PGLYRP2: variants seen among roughly 807,000 people sequenced by gnomAD.
PGLYRP2 encodes peptidoglycan recognition protein 2.
A neutral mutation model predicts 46.2 loss-of-function variants in PGLYRP2; 38 were observed. The ratio of observed to expected loss-of-function variants is 0.82; its 90% CI spans 0.64 to 1.08. The LOEUF (loss-of-function observed/expected upper bound fraction) is 1.08. PGLYRP2 is among the 50% of genes least tolerant of loss of function. PGLYRP2 has a pLI of 0.00. For missense variants in PGLYRP2, 713 were observed against 755.9 expected (o/e 0.94, Z 0.67); for synonymous variants, 289 against 329.4 (o/e 0.88, Z 1.33).
chr19:15,469,358 G>A lies in PGLYRP2; in HGVS notation c.1641+274C>T, dbSNP rs1484213633. 5.9e-6 allele frequency: 4 copies of A among 680,262 alleles called. No individual in the cohort carries two copies. The highest frequency in any genetic ancestry group is 3.1e-5 in the South Asian group (2 of 63,688). The allele number at this position is 680,262 out of a possible 1,614,324, so 42.1% of individuals were successfully genotyped here. On this transcript the variant is annotated intron_variant, in intron 4 of 4. Coordinates refer to ENST00000340880, the MANE Select transcript of PGLYRP2 (RefSeq NM_052890.4). This position sits in a 1 kb window ranked among gnomAD's most constrained non-coding sequence, Gnocchi z 4.9. ...TCAGGGTCCATGCCTTGGCTGGAAAGGTAGAGGTATTAGGAGCTGGGGAAA... is the reference window on the plus strand; with the variant it reads ...TCAGGGTCCATGCCTTGGCTGGAAAAGTAGAGGTATTAGGAGCTGGGGAAA...
chr19:15,472,252 C>A lies in PGLYRP2; in HGVS notation c.1133-152G>T. On this transcript the variant is annotated intron_variant, in intron 2 of 4. Transcript: ENST00000340880. ...CCCCACATTGGTCCTCCCTGGGGAC[C>A]AACTAACTATACTCAACTAAATCTA... 4.7e-6 allele frequency: 3 copies of A among 639,224 alleles called. No homozygotes were observed. In the South Asian group the frequency reaches 5.8e-5, roughly 12 times the overall value. The allele number at this position is 639,224 out of a possible 1,614,324, so 39.6% of individuals were successfully genotyped here. A position where few individuals can be genotyped will look rare whatever the true frequency, so the allele number is the denominator to read the frequency against.
At position 15,476,446 on chromosome 19, in the gene PGLYRP2, C is replaced by T; in HGVS notation, c.224G>A (p.Ser75Asn). 2 of 1,614,120 alleles carry T rather than the reference C, an allele frequency of 1.2e-6. No homozygotes were observed. The highest frequency in any genetic ancestry group is 1.7e-6 in the Non-Finnish European group (2 of 1,180,010). The stretch of plus-strand genomic sequence containing the variant: ...GGGATCCAACTCTGTAGCATTGAGG[C>T]TCCATGCCCCCAGCAGGAAGTGGTA... ...RLYHFLLGAW[S>N]LNATELDPCP... is the part of the protein sequence containing the mutation. Residue 75 changes from serine to asparagine, a missense_variant, in exon 2 of 5, where the codon AGC becomes AAC. Coordinates refer to ENST00000340880, the MANE Select transcript of PGLYRP2 (RefSeq NM_052890.4).
intron 3 of PGLYRP2, among the ~76,000 whole-genome samples, chr19:15,470,353 A>G (rs1970736791): frequency 6.9e-6 from 1 of 145,948 alleles, no homozygotes; most frequent in South Asian, 2.1e-4. Context: ...CTGAAGTGCA[A>G]GGGCGCGATC....
At chr19:15,474,980 CA>C (rs34586297) in intron 2 of PGLYRP2, among the ~76,000 whole-genome samples, 52,927 of 124,794 alleles carry the variant, frequency 0.42, 9,309 homozygotes, top group Admixed American at 0.44. Flanking sequence ...GAGAGAGACT[CA>C]AAAAAAAAAA....
At chr19:15,468,917 T>G in intron 4 of PGLYRP2, 165 bp from the exon 5 acceptor site, 2 of 564,020 alleles carry the variant, frequency 3.5e-6, no homozygotes, top group Non-Finnish European at 6.4e-6. Context: ...AGTCAATAGC[T>G]TAATGAAATG....
intron 1 of PGLYRP2, 86 bp downstream of exon 1, chr19:15,479,225 C>T: frequency 7.1e-7 from 1 of 1,408,066 alleles, no homozygotes; most frequent in Non-Finnish European, 1.0e-6. Context: ...AGCCTCACTC[C>T]ATGCAGGGCA....
In PGLYRP2 at chr19:15,475,927, C is replaced by T; in HGVS notation, c.743G>A (p.Cys248Tyr). Residue 248 changes from cysteine (C) to tyrosine (Y), a missense_variant, in exon 2 of 5, where the codon TGC (cysteine) becomes TAC (tyrosine). Cys to Tyr is a radical substitution (Grantham distance 194, BLOSUM62 -2). Coordinates refer to ENST00000340880, the MANE Select transcript of PGLYRP2 (RefSeq NM_052890.4). ...QSHPDLGTEG[C>Y]WDQLSAPRTF... ...CCGAGGGGCAGAGAGCTGGTCCCAG[C>T]AGCCCTCAGTTCCCAGGTCTGGATG... 1 of 1,614,168 alleles carries T rather than the reference C, an allele frequency of 6.2e-7. No homozygotes were observed. The highest frequency in any genetic ancestry group is 1.6e-4 in the Middle Eastern group (1 of 6,062).
chr19:15,476,370 A>T lies in PGLYRP2; in HGVS notation c.300T>A (p.His100Gln), dbSNP rs1323922891. The T allele has an allele frequency of 2.5e-6, 4 of 1,614,048 alleles. No homozygotes were observed. The South Asian group carries it at 3.3e-5, about 13-fold the overall frequency. ...CATATTCCTTCCCTTCTCGTACGTC[A>T]TGTCGGGCCACCTCCTTGGTCAGGC... ...LLGLTKEVARHDVREGKEYGV... is the reference protein window; with the variant it reads ...LLGLTKEVARQDVREGKEYGV... The change falls in exon 2 of 5, where the codon CAT (histidine) becomes CAA (glutamine). Residue 100 changes from histidine (H) to glutamine (Q), a missense_variant. Coordinates refer to ENST00000340880, the MANE Select transcript of PGLYRP2 (RefSeq NM_052890.4).
chr19:15,477,128 TA>T (rs2145520694), intron 1 of PGLYRP2, among the ~76,000 whole-genome samples: 1 of 152,164 alleles, frequency 6.6e-6, no homozygotes, highest in Admixed American at 6.5e-5. Context: ...TGTGGTGGCT[TA>T]GGCCTGTAAT....
In PGLYRP2 at chr19:15,469,586, A is replaced by G. The variant is rs1253972409; in HGVS notation, c.1641+46T>C. 6.4e-7 allele frequency: 1 copy of G among 1,557,452 alleles called. No homozygotes were observed. Among genetic ancestry groups the G allele is most frequent in the Non-Finnish European group, 8.6e-7 (1 of 1,158,472 alleles). The stretch of plus-strand genomic sequence containing the variant: ...GGCAGGGGCCTCGTGGAGCTTGTGT[A>G]GACGGAGGGGCGGCGGGCCGTGTAG... On this transcript the variant is annotated intron_variant, in intron 4 of 4. Transcript: ENST00000340880. This position sits in a 1 kb window ranked among gnomAD's most constrained non-coding sequence, Gnocchi z 4.9.
chr19:15,470,844 A>T (rs1241640197), intron 3 of PGLYRP2, among the ~76,000 whole-genome samples: 1 of 150,814 alleles, frequency 6.6e-6, no homozygotes, highest in African/African-American at 2.4e-5. Flanking sequence ...GGGTTTCTCC[A>T]TGTTGGCCAG....
In PGLYRP2 at chr19:15,475,728, G is replaced by A. The variant is rs1329294518; in HGVS notation, c.942C>T (p.Phe314=). 6 of 1,613,924 alleles carry A rather than the reference G, an allele frequency of 3.7e-6. No individual in the cohort carries two copies. In the African/African-American group the frequency reaches 8.0e-5, roughly 22 times the overall value. Residue 314 remains phenylalanine (F), a synonymous_variant, in exon 2 of 5, where the codon TTC becomes TTT. Transcript: ENST00000340880. The stretch of plus-strand genomic sequence containing the variant: ...CGTTCTGCCGTCGGAAGTTGCTGCG[G>A]AACCCTGGGTCTCTGGCCACCCCAG... ...YGAGVARDPG[F]RSNFRRQNGA... is the part of the protein sequence containing the mutation.
chr19:15,469,975 C>G lies in PGLYRP2; in HGVS notation c.1344-46G>C. On this transcript the variant is annotated intron_variant, in intron 3 of 4. Coordinates refer to ENST00000340880, the MANE Select transcript of PGLYRP2 (RefSeq NM_052890.4). This position sits in a 1 kb window ranked among gnomAD's most constrained non-coding sequence, Gnocchi z 4.9. ...CAAGCACCATGCGGCGTGAGGGGGA[C>G]CCGGGCCCTTATCCGCTCCCCTCCC... 1 of 1,369,554 alleles carries G rather than the reference C, an allele frequency of 7.3e-7. No individual in the cohort carries two copies. Among genetic ancestry groups the G allele is most frequent in the South Asian group, 1.8e-5 (1 of 54,254 alleles). 84.8% of individuals were successfully genotyped at this position (1,369,554 alleles called of 1,614,324 possible). A position where few individuals can be genotyped will look rare whatever the true frequency, so the allele number is the denominator to read the frequency against.
At position 15,472,081 on chromosome 19, in the gene PGLYRP2, G is replaced by C. The variant is rs143527020; in HGVS notation, c.1152C>G (p.Pro384=). ...EAFLGCPAIH[P]RCRWGAAPYR... ...AAGGCGCCGCTCCCCAGCGGCAGCG[G>C]GGGTGGATGGCCGGGCATCCTACAG... is the stretch of plus-strand genomic sequence containing the variant. The change falls in exon 3 of 5, where the codon CCC becomes CCG. Residue 384 remains proline (P), a synonymous_variant. Transcript: ENST00000340880. 261 of 1,603,668 alleles carry C rather than the reference G, an allele frequency of 1.6e-4. No individual in the cohort carries two copies. In the African/African-American group the frequency reaches 2.9e-3, roughly 18 times the overall value.
Position 15,469,184 on chromosome 19 carries a change from T to G in PGLYRP2, c.1642-432A>C. 3.4e-6 allele frequency: 2 copies of G among 586,822 alleles called. No individual in the cohort carries two copies. The highest frequency in any genetic ancestry group is 6.1e-6 in the Non-Finnish European group (2 of 329,178). 36.4% of individuals were successfully genotyped at this position (586,822 alleles called of 1,614,324 possible). On this transcript the variant is annotated intron_variant, in intron 4 of 4. Transcript: ENST00000340880. The surrounding 1 kb of genome is among the most constrained non-coding windows in gnomAD (Gnocchi z 4.9). Reference sequence around the variant, plus strand: ...GGTCACAGCCTAGGTTCATGTTGTGTGGACAGAGGGCCTTCGGGTAGGGGC... The same window carrying G: ...GGTCACAGCCTAGGTTCATGTTGTGGGGACAGAGGGCCTTCGGGTAGGGGC...
intron 2 of PGLYRP2, 52 bp from the exon 3 acceptor site, chr19:15,472,152 TC>T (rs761655581): frequency 6.8e-7 from 1 of 1,466,820 alleles, no homozygotes; most frequent in South Asian, 1.2e-5. Flanking sequence ...CTCTGCCTGT[TC>T]CTCCACCCGC....
rs1304757488 is a variant in PGLYRP2, at chr19:15,469,424, A to G, written c.1641+208T>C. Reference sequence around the variant, plus strand: ...GTCTGGGGCTGAGCTGAGGCTGCATAGGCAGAAGTCACAGGATCAGGGATG... The same window carrying G: ...GTCTGGGGCTGAGCTGAGGCTGCATGGGCAGAAGTCACAGGATCAGGGATG... On this transcript the variant is annotated intron_variant, in intron 4 of 4. Coordinates refer to ENST00000340880, the MANE Select transcript of PGLYRP2 (RefSeq NM_052890.4). This position sits in a 1 kb window ranked among gnomAD's most constrained non-coding sequence, Gnocchi z 4.9. The G allele has an allele frequency of 1.3e-6, 1 of 767,326 alleles. No individual in the cohort carries two copies. Among genetic ancestry groups the G allele is most frequent in the East Asian group, 2.7e-5 (1 of 37,496 alleles). The allele number at this position is 767,326 out of a possible 1,614,324, so 47.5% of individuals were successfully genotyped here.
At chr19:15,474,443 A>C (rs1235498245) in intron 2 of PGLYRP2, among the ~76,000 whole-genome samples, 1 of 152,228 alleles carries the variant, frequency 6.6e-6, no homozygotes, top group African/African-American at 2.4e-5. Context: ...AAAATAAATC[A>C]TTATATTAAA....
intron 2 of PGLYRP2, among the ~76,000 whole-genome samples, chr19:15,473,470 C>CAAAAAAAAA (rs56053684): frequency 5.5e-5 from 2 of 36,478 alleles, no homozygotes; most frequent in African/African-American, 2.0e-4. Context: ...AACTCTGTCT[C>CAAAAAAAAA]AAAAAAAAAA....
Sources: allele counts gnomAD v4.1 joint callset (sites outside exome capture counted in the v4.1 genomes callset), GRCh38; gene constraint gnomAD v4.1.1; non-coding constraint Gnocchi (gnomAD v3.1); transcripts MANE v1.5; gene names NCBI Gene and HGNC (gene_info 2026-07-23, HGNC 2026-07-21).